DNAJC1: variants seen among roughly 807,000 people sequenced by gnomAD.
The protein encoded by DNAJC1 is dnaJ homolog subfamily C member 1.
DNAJC1 carries 58 observed loss-of-function variants against 76.6 expected under a neutral mutation model. The ratio of observed to expected loss-of-function variants is 0.76; its 90% CI spans 0.61 to 0.94. The LOEUF is 0.94. Among genes scored for constraint, DNAJC1 ranks in the 40% least tolerant of loss-of-function variants. The pLI is 0.00. For synonymous variants in DNAJC1, 258 were observed against 267.9 expected (o/e 0.96, Z 0.36); for missense variants, 689 against 677.3 (o/e 1.02, Z -0.19).
At chr10:21,921,549 A>G (rs748353091) in intron 3 of DNAJC1, among the ~76,000 whole-genome samples, 71 of 152,130 alleles carry the variant, frequency 4.7e-4, no homozygotes, top group Non-Finnish European at 9.1e-4. Context: ...ATTCCTTTAG[A>G]AAATAAAAAA....
At position 21,762,040 on chromosome 10, in the gene DNAJC1, T is replaced by C. The variant is rs538629133; in HGVS notation, c.1148-2422A>G. On this transcript the variant is annotated intron_variant, in intron 10 of 11. Coordinates refer to ENST00000376980, the MANE Select transcript of DNAJC1 (RefSeq NM_022365.4). ...CTCCTGCCTCAGCCTCTCGAGTAGC[T>C]GGGACTACAGGCGTCAGCCTCTCGA... 2.2e-3 allele frequency among the ~76,000 whole-genome samples: 340 copies of C among 152,270 alleles called. 3 individuals carry two copies. Among genetic ancestry groups the C allele is most frequent in the African/African-American group, 7.8e-3 (324 of 41,550 alleles).
chr10:21,836,833 C>T (rs1835467950), intron 8 of DNAJC1, among the ~76,000 whole-genome samples: 1 of 152,156 alleles, frequency 6.6e-6, no homozygotes, highest in Admixed American at 6.5e-5. Flanking sequence ...TAAAGCAAGT[C>T]CTGAGTGACC....
Position 21,946,049 on chromosome 10 carries a change from C to CTTTTTTTTTTTT in DNAJC1, c.223-16920_223-16909dup, listed in dbSNP as rs71510915. Among the ~76,000 whole-genome samples, 5 of 93,306 alleles carry CTTTTTTTTTTTT rather than the reference C, an allele frequency of 5.4e-5. 1 individual carries two copies. Among genetic ancestry groups the CTTTTTTTTTTTT allele is most frequent in the Non-Finnish European group, 9.7e-5 (5 of 51,382 alleles). 61.2% of individuals were successfully genotyped at this position (93,306 alleles called of 152,430 possible). ...ATAATTCAAATTCCTTTCTTTTCCT[C>CTTTTTTTTTTTT]TTTTTTTTTTTTTTTTTTTTTTGCT... On this transcript the variant is annotated intron_variant, in intron 1 of 11. Transcript: ENST00000376980.
At chr10:21,824,994 T>G (rs1421317543) in intron 8 of DNAJC1, among the ~76,000 whole-genome samples, 1 of 152,096 alleles carries the variant, frequency 6.6e-6, no homozygotes, top group African/African-American at 2.4e-5. Flanking sequence ...CAGATTGGTC[T>G]CGAATTCCTG....
chr10:21,969,755 TTACTC>T (rs1383739451), intron 1 of DNAJC1, among the ~76,000 whole-genome samples: 2 of 152,222 alleles, frequency 1.3e-5, no homozygotes, highest in African/African-American at 2.4e-5. Context: ...GGAACAGTGA[TTACTC>T]TATGATTCAC....
intron 9 of DNAJC1, among the ~76,000 whole-genome samples, chr10:21,803,629 ATGTGTG>A (rs369489273): frequency 1.5e-5 from 2 of 130,884 alleles, no homozygotes; most frequent in African/African-American, 2.9e-5. Context: ...GTGTGTATGT[ATGTGTG>A]TGTGTGTGTG....
intron 1 of DNAJC1, among the ~76,000 whole-genome samples, chr10:21,976,224 G>C (rs1323061153): frequency 6.6e-6 from 1 of 152,032 alleles, no homozygotes; most frequent in Non-Finnish European, 1.5e-5. Context: ...CCATATTTGA[G>C]AACCAGGATC....
At chr10:21,768,218 T>C (rs1297265509) in intron 9 of DNAJC1, among the ~76,000 whole-genome samples, 1 of 152,238 alleles carries the variant, frequency 6.6e-6, no homozygotes, top group Non-Finnish European at 1.5e-5. Context: ...ATGAATTTCA[T>C]TAAAGTTATG....
intron 6 of DNAJC1, among the ~76,000 whole-genome samples, chr10:21,911,911 G>C (rs746759595): frequency 6.6e-6 from 1 of 152,072 alleles, no homozygotes; most frequent in Non-Finnish European, 1.5e-5. Flanking sequence ...CCCAACTGTG[G>C]GCTAAACGTA....
At chr10:21,999,908 A>C (rs750846776) in intron 1 of DNAJC1, among the ~76,000 whole-genome samples, 8 of 152,100 alleles carry the variant, frequency 5.3e-5, no homozygotes, top group Non-Finnish European at 8.8e-5. Context: ...CTACAGCCCT[A>C]AACTTTCTTC....
At chr10:21,979,358 A>T (rs1838114549) in intron 1 of DNAJC1, among the ~76,000 whole-genome samples, 1 of 152,056 alleles carries the variant, frequency 6.6e-6, no homozygotes, top group Non-Finnish European at 1.5e-5. Context: ...TATTCAACTG[A>T]TCTAAAGAAT....
At chr10:21,854,350 T>TAAAAAAAAAAAAAAA (rs56109403) in intron 8 of DNAJC1, among the ~76,000 whole-genome samples, 2 of 131,250 alleles carry the variant, frequency 1.5e-5, no homozygotes, top group Non-Finnish European at 1.6e-5. Flanking sequence ...TGTGGATCTT[T>TAAAAAAAAAAAAAAA]AAAAAAAAAA....
rs200747447 is a variant in DNAJC1, at chr10:21,759,511, C to T, written c.1255G>A (p.Gly419Arg). 40 of 1,614,072 alleles carry T rather than the reference C, an allele frequency of 2.5e-5. No individual in the cohort carries two copies. The highest frequency in any genetic ancestry group is 3.1e-5 in the Non-Finnish European group (37 of 1,180,040). Reference protein sequence around the residue: ...DMITQREDAEGVAAEEEQEGD... With the variant: ...DMITQREDAERVAAEEEQEGD... The stretch of plus-strand genomic sequence containing the variant: ...TCCTGCTCCTCCTCCGCTGCCACCC[C>T]CTCTGCGTCCTCTCGCTGGGTGATC... Residue 419 changes from glycine to arginine, a missense_variant, in exon 11 of 12, where the codon GGG becomes AGG. Transcript: ENST00000376980.
chr10:21,813,950 G>A (rs982138135), intron 8 of DNAJC1, among the ~76,000 whole-genome samples: 1 of 152,274 alleles, frequency 6.6e-6, no homozygotes, highest in Middle Eastern at 3.4e-3. Flanking sequence ...TCTGACCCAG[G>A]AGTCTCATGT....
chr10:22,001,821 AAGT>A (rs1448260294), intron 1 of DNAJC1, among the ~76,000 whole-genome samples: 2 of 152,200 alleles, frequency 1.3e-5, no homozygotes, highest in East Asian at 3.8e-4. Flanking sequence ...CCCAGTATTA[AAGT>A]AGTTCTTAAA....
intron 7 of DNAJC1, among the ~76,000 whole-genome samples, chr10:21,900,252 A>G (rs981266615): frequency 4.6e-5 from 7 of 152,024 alleles, no homozygotes; most frequent in African/African-American, 1.2e-4. Context: ...CTGAGACAGA[A>G]GAATCACTTG....
chr10:21,813,520 C>A (rs575376795), intron 8 of DNAJC1, among the ~76,000 whole-genome samples: 1 of 151,904 alleles, frequency 6.6e-6, no homozygotes, highest in South Asian at 2.1e-4. Flanking sequence ...CTCAGCCTCC[C>A]GAGTAGCTGG....
chr10:21,974,217 C>T (rs1838028002), intron 1 of DNAJC1, among the ~76,000 whole-genome samples: 1 of 151,992 alleles, frequency 6.6e-6, no homozygotes, highest in Admixed American at 6.6e-5. Flanking sequence ...TTAGGCTCAA[C>T]CTAACCAGTT....
chr10:21,982,228 C>T (rs75728182), intron 1 of DNAJC1, among the ~76,000 whole-genome samples: 1,993 of 152,154 alleles, frequency 0.013, 40 homozygotes, highest in African/African-American at 0.045. Context: ...TCTTTGACGC[C>T]TCACATCATA....
Sources: allele counts gnomAD v4.1 joint callset (sites outside exome capture counted in the v4.1 genomes callset), GRCh38; gene constraint gnomAD v4.1.1; transcripts MANE v1.5; gene names NCBI Gene and HGNC (gene_info 2026-07-23, HGNC 2026-07-21).